Variants in EPHA6 observed in about 807,000 individuals in gnomAD.
EPHA6 encodes the protein ephrin type-A receptor 6.
In EPHA6, 50 loss-of-function variants were observed where a neutral mutation model predicts 112.0. That is an observed-to-expected ratio of 0.45 (90% CI 0.36 to 0.56). The LOEUF is 0.56. Among genes scored for constraint, EPHA6 ranks in the 20% least tolerant of loss-of-function variants. The probability of loss-of-function intolerance (pLI) is 0.00; values close to 1 mark genes in which losing one functional copy is unlikely to be tolerated. For synonymous variants in EPHA6, 529 were observed against 490.7 expected, an observed-to-expected ratio of 1.08 and a Z score of -1.03; for missense variants, 1,280 against 1,417.4, an observed-to-expected ratio of 0.90 and a Z score of 1.56.
chr3:97,271,547 G>A (rs1270588656), intron 5 of EPHA6, among the ~76,000 whole-genome samples: 5 of 152,110 alleles, frequency 3.3e-5, no homozygotes, highest in Non-Finnish European at 5.9e-5. Context: ...TAGTAGAGAC[G>A]GGGTTTCAGC....
At chr3:96,990,131 GA>G (rs1260692544) in intron 3 of EPHA6, among the ~76,000 whole-genome samples, 6 of 152,064 alleles carry the variant, frequency 3.9e-5, no homozygotes, top group Admixed American at 1.3e-4. Context: ...TTTAATCTAA[GA>G]ATTTATGTGA....
Position 97,761,141 on chromosome 3 carries a change from C to G in EPHA6, c.*12440C>G, listed in dbSNP as rs1164972356. On this transcript the variant is annotated 3_prime_UTR_variant, in exon 18 of 18. Coordinates refer to ENST00000389672, the MANE Select transcript of EPHA6 (RefSeq NM_001080448.3). ...GCAATCCTACCTATTATCTACTTTA[C>G]TATAGCAGTGAAGTAGTCCAGACTT... 1 of 201,748 alleles carries G rather than the reference C, an allele frequency of 5.0e-6. No homozygotes were observed. Among genetic ancestry groups the G allele is most frequent in the Non-Finnish European group, 1.0e-5 (1 of 98,026 alleles). 12.5% of individuals were successfully genotyped at this position (201,748 alleles called of 1,614,324 possible).
At chr3:96,872,654 T>C (rs1262931351) in intron 2 of EPHA6, among the ~76,000 whole-genome samples, 1 of 152,124 alleles carries the variant, frequency 6.6e-6, no homozygotes, top group Non-Finnish European at 1.5e-5. Context: ...AATATTTCAC[T>C]CCACTGTTAT....
intron 2 of EPHA6, among the ~76,000 whole-genome samples, chr3:96,876,248 T>C (rs561864281): frequency 1.3e-5 from 2 of 151,820 alleles, no homozygotes; most frequent in South Asian, 2.1e-4. Flanking sequence ...GACATTTTTA[T>C]AAATTTAATT....
At chr3:97,478,672 T>C (rs1043096646) in intron 8 of EPHA6, among the ~76,000 whole-genome samples, 3 of 152,160 alleles carry the variant, frequency 2.0e-5, no homozygotes, top group Admixed American at 1.3e-4. Context: ...CTGTAAGACA[T>C]TTCTGAATAA....
chr3:96,822,629 T>C (rs1409445788), intron 1 of EPHA6, among the ~76,000 whole-genome samples: 16 of 151,648 alleles, frequency 1.1e-4, no homozygotes. Context: ...ATTATTTTAC[T>C]CTTGTAATGT....
At chr3:97,511,018 T>C (rs2092354359) in intron 10 of EPHA6, among the ~76,000 whole-genome samples, 1 of 152,138 alleles carries the variant, frequency 6.6e-6, no homozygotes, top group South Asian at 2.1e-4. Flanking sequence ...CAAGCCTTAG[T>C]AATGGTGGAA....
intron 3 of EPHA6, among the ~76,000 whole-genome samples, chr3:97,064,805 C>G (rs1452077909): frequency 6.6e-6 from 1 of 152,120 alleles, no homozygotes; most frequent in African/African-American, 2.4e-5. Context: ...CCCTTTTTCT[C>G]ACAATTGCTG....
At chr3:97,036,181 A>G (rs1390948248) in intron 3 of EPHA6, among the ~76,000 whole-genome samples, 1 of 152,022 alleles carries the variant, frequency 6.6e-6, no homozygotes, top group East Asian at 1.9e-4. Flanking sequence ...TATTTTTATT[A>G]TAGCTAAAAC....
intron 3 of EPHA6, among the ~76,000 whole-genome samples, chr3:97,040,474 G>T (rs1017398820): frequency 1.3e-5 from 2 of 151,966 alleles, no homozygotes; most frequent in African/African-American, 4.8e-5. Context: ...CTTTATTAAG[G>T]TGTGTAAGCC....
At chr3:97,654,902 C>T (rs1357865247) in intron 14 of EPHA6, among the ~76,000 whole-genome samples, 1 of 151,402 alleles carries the variant, frequency 6.6e-6, no homozygotes, top group Non-Finnish European at 1.5e-5. Context: ...TTCTAAAGAG[C>T]TCATTCTGGC....
intron 5 of EPHA6, among the ~76,000 whole-genome samples, chr3:97,301,743 ATCTT>A (rs2081099717): frequency 6.6e-6 from 1 of 152,168 alleles, no homozygotes; most frequent in African/African-American, 2.4e-5. Flanking sequence ...TTATATGAAT[ATCTT>A]TATTTAGACT....
chr3:97,213,498 C>G (rs1033280460), intron 3 of EPHA6, among the ~76,000 whole-genome samples: 1 of 152,172 alleles, frequency 6.6e-6, no homozygotes, highest in African/African-American at 2.4e-5. Context: ...TCTCTCTGAG[C>G]ATTATGAGTT....
intron 4 of EPHA6, 146 bp from the exon 5 acceptor site, chr3:97,243,806 A>G (rs1249614505): frequency 9.9e-6 from 6 of 608,444 alleles, no homozygotes; most frequent in East Asian, 2.8e-5. Flanking sequence ...AGCTATTTTA[A>G]CCATGTGATC....
intron 5 of EPHA6, among the ~76,000 whole-genome samples, chr3:97,384,641 G>T (rs2085952991): frequency 6.6e-6 from 1 of 152,132 alleles, no homozygotes; most frequent in Non-Finnish European, 1.5e-5. Context: ...CTTTTGAAAG[G>T]TTAATCTAAT....
intron 3 of EPHA6, among the ~76,000 whole-genome samples, chr3:97,177,229 G>T (rs1330725890): frequency 6.6e-6 from 1 of 151,830 alleles, no homozygotes; most frequent in Non-Finnish European, 1.5e-5. Context: ...TTACATTGTG[G>T]TCAGAGAAGA....
chr3:97,257,924 CA>C, intron 5 of EPHA6, among the ~76,000 whole-genome samples: 1 of 152,122 alleles, frequency 6.6e-6, no homozygotes, highest in East Asian at 1.9e-4. Context: ...GATGTACACA[CA>C]TGGTCATAAG....
intron 5 of EPHA6, among the ~76,000 whole-genome samples, chr3:97,291,299 A>G (rs1170583582): frequency 6.6e-6 from 1 of 152,204 alleles, no homozygotes; most frequent in Non-Finnish European, 1.5e-5. Flanking sequence ...CCTACGTATA[A>G]TCTATCGTGG....
At chr3:96,997,485 T>C (rs753512900) in intron 3 of EPHA6, among the ~76,000 whole-genome samples, 5 of 151,974 alleles carry the variant, frequency 3.3e-5, no homozygotes, top group Non-Finnish European at 7.4e-5. Flanking sequence ...TGTAGGGTTA[T>C]TGGCTTAATT....
Sources: gnomAD v4.1 joint callset for allele counts (sites outside exome capture counted in the v4.1 genomes callset) on GRCh38, gnomAD v4.1.1 for gene constraint, MANE v1.5 for transcripts, NCBI Gene and HGNC (gene_info 2026-07-23, HGNC 2026-07-21) for gene names.